NEO1: variants seen among roughly 807,000 people sequenced by gnomAD.
The protein encoded by NEO1 is neogenin 1, also known as neogenin.
NEO1 carries 63 observed loss-of-function variants against 159.7 expected under a neutral mutation model. The observed-to-expected ratio is 0.39, with a 90% CI of 0.32 to 0.49. NEO1 has a LOEUF of 0.49. Ranked by LOEUF, NEO1 falls within the 20% of genes least tolerant of loss-of-function variation. The probability of loss-of-function intolerance (pLI) is 0.85; values close to 1 mark genes in which losing one functional copy is unlikely to be tolerated. For missense variants in NEO1, 1,615 were observed against 1,831.0 expected, an observed-to-expected ratio of 0.88 and a Z score of 2.15; for synonymous variants, 633 against 662.0, an observed-to-expected ratio of 0.96 and a Z score of 0.67.
At chr15:73,054,798 T>C (rs2067622458) in intron 1 of NEO1, among the ~76,000 whole-genome samples, 1 of 152,184 alleles carries the variant, frequency 6.6e-6, no homozygotes, top group South Asian at 2.1e-4. Flanking sequence ...GCCATAAAAC[T>C]GCGGAAGAGA....
intron 1 of NEO1, among the ~76,000 whole-genome samples, chr15:73,109,776 C>T (rs950519691): frequency 6.6e-6 from 1 of 152,040 alleles, no homozygotes; most frequent in Non-Finnish European, 1.5e-5. Flanking sequence ...GTTTTAAAAG[C>T]ATATATGTTT....
At chr15:73,109,523 G>A (rs1288731094) in intron 1 of NEO1, among the ~76,000 whole-genome samples, 2 of 151,988 alleles carry the variant, frequency 1.3e-5, no homozygotes, top group African/African-American at 2.4e-5. Flanking sequence ...TTGAAGAAAA[G>A]GAAAGCACTC....
chr15:73,278,031 C>A (rs1164626461), intron 21 of NEO1, 100 bp from the exon 22 acceptor site: 2 of 991,932 alleles, frequency 2.0e-6, no homozygotes, highest in African/African-American at 1.6e-5. Flanking sequence ...ACAGAATAGA[C>A]TAAAAATTGT....
intron 1 of NEO1, among the ~76,000 whole-genome samples, chr15:73,098,738 A>G (rs2070231462): frequency 6.6e-6 from 1 of 152,118 alleles, no homozygotes; most frequent in African/African-American, 2.4e-5. Context: ...CTGTTTTTAT[A>G]TTTTGGCCAG....
intron 1 of NEO1, among the ~76,000 whole-genome samples, chr15:73,056,174 C>G (rs929386317): frequency 6.6e-6 from 1 of 152,240 alleles, no homozygotes; most frequent in East Asian, 1.9e-4. Context: ...CCAATAAAGC[C>G]TCATCTCTTG....
At chr15:73,253,675 T>C (rs1204847531) in intron 12 of NEO1, among the ~76,000 whole-genome samples, 1 of 152,210 alleles carries the variant, frequency 6.6e-6, no homozygotes, top group African/African-American at 2.4e-5. Flanking sequence ...AAAGCTGGGC[T>C]TAAAAACCCA....
chr15:73,082,048 A>G (rs986073218), intron 1 of NEO1, among the ~76,000 whole-genome samples: 1 of 151,638 alleles, frequency 6.6e-6, no homozygotes, highest in Non-Finnish European at 1.5e-5. Context: ...TAATTATTGT[A>G]TTTTTAGTAG....
At chr15:73,180,134 T>G (rs2035517813) in intron 7 of NEO1, among the ~76,000 whole-genome samples, 1 of 152,188 alleles carries the variant, frequency 6.6e-6, no homozygotes, top group Admixed American at 6.5e-5. Context: ...AAGATGCCAC[T>G]TTAGACATCT....
intron 14 of NEO1, among the ~76,000 whole-genome samples, chr15:73,259,314 G>C (rs534749684): frequency 1.2e-4 from 18 of 151,798 alleles, no homozygotes; most frequent in African/African-American, 4.1e-4. Flanking sequence ...TCAGTGATAG[G>C]TGCTGGACTT....
At chr15:73,109,410 G>A (rs1358531018) in intron 1 of NEO1, among the ~76,000 whole-genome samples, 1 of 152,128 alleles carries the variant, frequency 6.6e-6, no homozygotes, top group Admixed American at 6.6e-5. Flanking sequence ...GCACACAAGG[G>A]CTAGGATTCA....
intron 5 of NEO1, among the ~76,000 whole-genome samples, chr15:73,147,612 G>T (rs1196883633): frequency 6.6e-6 from 1 of 152,148 alleles, no homozygotes; most frequent in Non-Finnish European, 1.5e-5. Flanking sequence ...ACAAAGTCAT[G>T]TCCCTTCCAG....
chr15:73,291,271 T>A (rs948958253), intron 25 of NEO1, among the ~76,000 whole-genome samples: 1 of 152,252 alleles, frequency 6.6e-6, no homozygotes, highest in Non-Finnish European at 1.5e-5. Context: ...ACTGGCTTAT[T>A]TTGAAAACTT....
intron 13 of NEO1, among the ~76,000 whole-genome samples, chr15:73,255,172 G>T (rs1001429204): frequency 2.0e-5 from 3 of 152,190 alleles, no homozygotes; most frequent in African/African-American, 7.2e-5. Context: ...ACTCAGTATA[G>T]TTGGTAACTG....
chr15:73,252,687 G>A (rs535567944), intron 11 of NEO1, among the ~76,000 whole-genome samples: 1 of 152,194 alleles, frequency 6.6e-6, no homozygotes, highest in Admixed American at 6.5e-5. Context: ...ATGGTTGTCT[G>A]CCAAGATAAA....
chr15:73,126,052 T>C (rs747747836), intron 3 of NEO1, among the ~76,000 whole-genome samples: 2 of 152,232 alleles, frequency 1.3e-5, no homozygotes, highest in African/African-American at 2.4e-5. Flanking sequence ...CAATAAGTTA[T>C]ACATCCTTAA....
At chr15:73,267,515 A>G (rs886301008) in intron 16 of NEO1, among the ~76,000 whole-genome samples, 20 of 148,966 alleles carry the variant, frequency 1.3e-4, no homozygotes, top group African/African-American at 4.7e-4. Flanking sequence ...CATTAGGTAT[A>G]TCTCCTAATG....
At chr15:73,075,949 G>A (rs2068750233) in intron 1 of NEO1, among the ~76,000 whole-genome samples, 1 of 152,048 alleles carries the variant, frequency 6.6e-6, no homozygotes, top group South Asian at 2.1e-4. Context: ...ACCTATTTTT[G>A]TCTGTTTTGA....
chr15:73,226,445 G>A (rs1394993683), intron 7 of NEO1, among the ~76,000 whole-genome samples: 1 of 152,102 alleles, frequency 6.6e-6, no homozygotes, highest in East Asian at 1.9e-4. Flanking sequence ...TACTGTTTGG[G>A]GAAATAGGGA....
chr15:73,079,662 C>G (rs1300534407), intron 1 of NEO1, among the ~76,000 whole-genome samples: 1 of 152,058 alleles, frequency 6.6e-6, no homozygotes, highest in African/African-American at 2.4e-5. Flanking sequence ...TGGAAGTACT[C>G]TTTTATATGA....
Sources: allele counts gnomAD v4.1 joint callset (sites outside exome capture counted in the v4.1 genomes callset), GRCh38; gene constraint gnomAD v4.1.1; transcripts MANE v1.5; gene names NCBI Gene and HGNC (gene_info 2026-07-23, HGNC 2026-07-21).